FDXR: variants seen among roughly 807,000 people sequenced by gnomAD.
The protein encoded by FDXR is ferredoxin reductase.
Under a neutral mutation model 58.3 loss-of-function variants are expected in FDXR, and 38 were observed. That is an observed-to-expected ratio of 0.65 (90% CI 0.50 to 0.85). FDXR has a LOEUF of 0.85. Ranked by LOEUF, FDXR falls within the 40% of genes least tolerant of loss-of-function variation. The pLI is 0.00. For missense variants in FDXR, 624 were observed against 671.0 expected, an observed-to-expected ratio of 0.93 and a Z score of 0.77; for synonymous variants, 275 against 273.8, an observed-to-expected ratio of 1.00 and a Z score of -0.04.
At chr17:74,864,664 C>A in intron 7 of FDXR, 100 bp from the exon 8 acceptor site, 2 of 1,403,204 alleles carry the variant, frequency 1.4e-6, no homozygotes, top group Non-Finnish European at 2.0e-6. Flanking sequence ...AGACCACCAC[C>A]CGCCTCCTCC....
At position 74,864,666 on chromosome 17, in the gene FDXR, G is replaced by A. The variant is rs1439453105; in HGVS notation, c.718-102C>T. 4.3e-5 allele frequency: 60 copies of A among 1,403,074 alleles called. No individual in the cohort carries two copies. The East Asian group carries it at 6.0e-4, about 14-fold the overall frequency. 86.9% of individuals were successfully genotyped at this position (1,403,074 alleles called of 1,614,324 possible). ...GCCCAGGCAGGAGAGACCACCACCC[G>A]CCTCCTCCCCAAAGGCACAGGGCCC... On this transcript the variant is annotated intron_variant, in intron 7 of 11. Transcript: ENST00000293195.
In FDXR at chr17:74,862,887, C is replaced by A. The variant is rs2144640041; in HGVS notation, c.1406G>T (p.Gly469Val). 1 of 1,613,150 alleles carries A rather than the reference C, an allele frequency of 6.2e-7. No homozygotes were observed. The highest frequency in any genetic ancestry group is 8.5e-7 in the Non-Finnish European group (1 of 1,179,978). Residue 469 changes from glycine to valine, a missense_variant, in exon 12 of 12, where the codon GGC (glycine) becomes GTC (valine). Gly to Val is a moderately radical substitution (Grantham distance 109). Transcript: ENST00000293195. The stretch of plus-strand genomic sequence containing the variant: ...CTCCCTGGGCTTCCCCGTGCCCTGG[C>A]CCCGGGCCACCTCCTCGGCATCCAG... ...EKLDAEEVAR[G>V]QGTGKPREKL...
chr17:74,870,636 G>C (rs499995), intron 2 of FDXR, among the ~76,000 whole-genome samples: 1 of 150,416 alleles, frequency 6.6e-6, no homozygotes, highest in Non-Finnish European at 1.5e-5. Flanking sequence ...GGCCTCTCCA[G>C]CCCCCATGTG....
At chr17:74,865,628 G>T in intron 6 of FDXR, 91 bp downstream of exon 6, 1 of 833,812 alleles carries the variant, frequency 1.2e-6, no homozygotes, top group Non-Finnish European at 1.9e-6. Context: ...AGCCCAGCTT[G>T]GAGAGGTAAG....
At chr17:74,869,270 C>T (rs992557128) in intron 2 of FDXR, among the ~76,000 whole-genome samples, 1 of 152,180 alleles carries the variant, frequency 6.6e-6, no homozygotes, top group Non-Finnish European at 1.5e-5. Flanking sequence ...CTCTTGGGCC[C>T]AGCCACAGAG....
chr17:74,864,406 G>C, intron 8 of FDXR, 59 bp from the exon 9 acceptor site: 1 of 1,603,372 alleles, frequency 6.2e-7, no homozygotes, highest in Non-Finnish European at 8.5e-7. Flanking sequence ...CTCCCTGCAT[G>C]CCCTTCCCCA....
chr17:74,870,600 ACTG>A (rs1598537906), intron 2 of FDXR, among the ~76,000 whole-genome samples: 5 of 104,716 alleles, frequency 4.8e-5, no homozygotes, highest in East Asian at 2.4e-4. Flanking sequence ...CTAAAAAAAA[ACTG>A]TCCCTTATAC....
At chr17:74,872,301 T>A (rs1337553286) in intron 1 of FDXR, 168 bp from the exon 2 acceptor site, 1 of 1,535,322 alleles carries the variant, frequency 6.5e-7, no homozygotes, top group Non-Finnish European at 8.7e-7. Context: ...TCTTACTTCA[T>A]CTGAACCCCC....
rs368374398 is a variant in FDXR at position 74,862,788 on chromosome 17, C to T, written c.*29G>A. 9.4e-6 allele frequency: 15 copies of T among 1,593,372 alleles called. No homozygotes were observed. The African/African-American group carries it at 2.0e-4, about 21-fold the overall frequency. The stretch of plus-strand genomic sequence containing the variant: ...TTCCCCTCCCAACACTCATCCCTTC[C>T]CTGCTGGGGGCCGGGGCTGGGGCTG... On this transcript the variant is annotated 3_prime_UTR_variant, in exon 12 of 12. Coordinates refer to ENST00000293195, the MANE Select transcript of FDXR (RefSeq NM_024417.5).
At position 74,862,592 on chromosome 17, in the gene FDXR, A is replaced by T; in HGVS notation, c.*225T>A. The T allele has an allele frequency of 1.8e-6, 1 of 567,882 alleles. No individual in the cohort carries two copies. The highest frequency in any genetic ancestry group is 3.1e-6 in the Non-Finnish European group (1 of 327,748). 35.2% of individuals were successfully genotyped at this position (567,882 alleles called of 1,614,324 possible). ...GATGGGTAAGGGGTTAGATCGGCCC[A>T]CACCTCCACCTGTCCCTAAGGTTAC... On this transcript the variant is annotated 3_prime_UTR_variant, in exon 12 of 12. Transcript: ENST00000293195.
At chr17:74,870,280 G>A (rs2038328724) in intron 2 of FDXR, among the ~76,000 whole-genome samples, 1 of 152,094 alleles carries the variant, frequency 6.6e-6, no homozygotes, top group African/African-American at 2.4e-5. Flanking sequence ...ACTTTGGGAG[G>A]CCGAGGTGGG....
In FDXR at chr17:74,866,109, C is replaced by T. The variant is rs7224118; in HGVS notation, c.507+22G>A. The T allele has an allele frequency of 9.2e-3, 14,184 of 1,537,712 alleles. 79 individuals carry two copies. Among genetic ancestry groups the T allele is most frequent in the Middle Eastern group, 0.017 (80 of 4,834 alleles). On this transcript the variant is annotated intron_variant, in intron 5 of 11. Coordinates refer to ENST00000293195, the MANE Select transcript of FDXR (RefSeq NM_024417.5). Reference sequence around the variant, plus strand: ...CTGAGGGGCGGGGAGGAAGAGGCAGCGGGCGTGCTCCCCATACTCACCTCC... The same window carrying T: ...CTGAGGGGCGGGGAGGAAGAGGCAGTGGGCGTGCTCCCCATACTCACCTCC...
At chr17:74,867,017 A>AAG (rs1567914462) in intron 2 of FDXR, 141 bp from the exon 3 acceptor site, 1 of 1,478,018 alleles carries the variant, frequency 6.8e-7, no homozygotes, top group Non-Finnish European at 9.0e-7. Flanking sequence ...TGCAAGGAAA[A>AAG]AGAGCACTCA....
At chr17:74,870,513 T>A in intron 2 of FDXR, among the ~76,000 whole-genome samples, 2 of 53,670 alleles carry the variant, frequency 3.7e-5, no homozygotes, top group African/African-American at 1.3e-4. Flanking sequence ...CCAGACTCCA[T>A]CTCAAAAAAA....
intron 6 of FDXR, 104 bp from the exon 7 acceptor site, chr17:74,865,035 C>T: frequency 6.5e-7 from 1 of 1,543,994 alleles, no homozygotes; most frequent in South Asian, 1.2e-5. Flanking sequence ...GCTGGCGGCT[C>T]AAAATTGCGC....
chr17:74,862,981 C>T, intron 11 of FDXR, 34 bp from the exon 12 acceptor site: 2 of 1,606,300 alleles, frequency 1.2e-6, no homozygotes, highest in Non-Finnish European at 1.7e-6. Context: ...ACACCTCCTC[C>T]TTCACCCCTC....
At position 74,862,674 on chromosome 17, in the gene FDXR, GAGAGACGCTGGA is replaced by G. The variant is rs2038004282; in HGVS notation, c.*131_*142del. 4.3e-6 allele frequency: 5 copies of G among 1,167,630 alleles called. No individual in the cohort carries two copies. In the East Asian group the frequency reaches 1.3e-4, roughly 29 times the overall value. 72.3% of individuals were successfully genotyped at this position (1,167,630 alleles called of 1,614,324 possible). A position where few individuals can be genotyped will look rare whatever the true frequency, so the allele number is the denominator to read the frequency against. ...AAGGGCGACCTTCCCCAGGAGGGAG[GAGAGACGCTGGA>G]AGAGCAGCCAAGCCTCCAAGCCAGG... On this transcript the variant is annotated 3_prime_UTR_variant, in exon 12 of 12. Coordinates refer to ENST00000293195, the MANE Select transcript of FDXR (RefSeq NM_024417.5).
At chr17:74,864,685 A>G (rs1160236745) in intron 7 of FDXR, 121 bp from the exon 8 acceptor site, 4 of 1,433,490 alleles carry the variant, frequency 2.8e-6, no homozygotes, top group East Asian at 4.7e-5. Flanking sequence ...CCAAAGGCAC[A>G]GGGCCCCCGG....
intron 1 of FDXR, 148 bp downstream of exon 1, chr17:74,872,718 C>A: frequency 6.6e-7 from 1 of 1,504,464 alleles, no homozygotes; most frequent in Non-Finnish European, 8.9e-7. Context: ...TCCGCCCACC[C>A]CCGTACACCA....
Sources: allele counts gnomAD v4.1 joint callset (sites outside exome capture counted in the v4.1 genomes callset), GRCh38; gene constraint gnomAD v4.1.1; transcripts MANE v1.5; gene names NCBI Gene and HGNC (gene_info 2026-07-23, HGNC 2026-07-21).